SAMM50: variants seen among roughly 807,000 people sequenced by gnomAD.
SAMM50 encodes SAMM50 sorting and assembly machinery component.
A neutral mutation model predicts 66.9 loss-of-function variants in SAMM50; 47 were observed. That is an observed-to-expected ratio of 0.70 (90% CI 0.56 to 0.90). The LOEUF is 0.90. Ranked by LOEUF, SAMM50 falls within the 40% of genes least tolerant of loss-of-function variation. SAMM50 has a pLI of 0.00. For synonymous variants in SAMM50, 191 were observed against 214.1 expected (o/e 0.89, Z 0.94); for missense variants, 535 against 595.3 (o/e 0.90, Z 1.05).
At chr22:43,976,251 G>A in intron 8 of SAMM50, 68 bp downstream of exon 8, 1 of 1,536,106 alleles carries the variant, frequency 6.5e-7, no homozygotes, top group Non-Finnish European at 8.9e-7. Flanking sequence ...TGGGAAAACA[G>A]TCTTTGCCAA....
At chr22:43,970,516 C>A (rs540506216) in intron 4 of SAMM50, among the ~76,000 whole-genome samples, 3 of 152,208 alleles carry the variant, frequency 2.0e-5, no homozygotes, top group Non-Finnish European at 4.4e-5. Context: ...CACGGCACTG[C>A]TCTCATCCCA....
At chr22:43,991,450 G>A (rs2050324512) in intron 14 of SAMM50, among the ~76,000 whole-genome samples, 1 of 151,842 alleles carries the variant, frequency 6.6e-6, no homozygotes, top group South Asian at 2.1e-4. Context: ...TTTTTGTAGA[G>A]ACAGGGTTTT....
chr22:43,992,969 G>C (rs953992130), intron 14 of SAMM50, among the ~76,000 whole-genome samples: 11 of 152,230 alleles, frequency 7.2e-5, no homozygotes, highest in Non-Finnish European at 1.5e-4. Context: ...GACTGCATCA[G>C]ATAACTCCAC....
chr22:43,970,052 A>C (rs1327332311), intron 4 of SAMM50, among the ~76,000 whole-genome samples: 1 of 152,226 alleles, frequency 6.6e-6, no homozygotes, highest in East Asian at 1.9e-4. Context: ...TAGATAAACT[A>C]AGGACATTTT....
chr22:43,993,390 G>GT (rs1404744728), intron 14 of SAMM50, among the ~76,000 whole-genome samples: 1 of 152,252 alleles, frequency 6.6e-6, no homozygotes, highest in Non-Finnish European at 1.5e-5. Context: ...TAGGAGCTCT[G>GT]TTGAATTGAC....
intron 1 of SAMM50, among the ~76,000 whole-genome samples, chr22:43,961,817 A>C (rs2146806042): frequency 6.6e-6 from 1 of 152,300 alleles, no homozygotes; most frequent in South Asian, 2.1e-4. Context: ...TCTTGGGCTC[A>C]AGCAATCCTC....
rs572638626 is a variant in SAMM50, at chr22:43,972,300, G to A, written c.387G>A (p.Thr129=). ...TFEVTELRRL[T]GSYNTMVGNN... is the part of the protein sequence containing the mutation. Reference sequence around the variant, plus strand: ...AAGTAACTGAATTGAGGAGATTAACGGGCAGTTATAACACCATGGTTGGAA... The same window carrying A: ...AAGTAACTGAATTGAGGAGATTAACAGGCAGTTATAACACCATGGTTGGAA... The change falls in exon 5 of 15, where the codon ACG becomes ACA. Residue 129 remains threonine, a synonymous_variant. Transcript: ENST00000350028. 11 of 1,606,742 alleles carry A rather than the reference G, an allele frequency of 6.8e-6. No homozygotes were observed. Among genetic ancestry groups the A allele is most frequent in the South Asian group, 2.2e-5 (2 of 89,134 alleles).
intron 12 of SAMM50, among the ~76,000 whole-genome samples, chr22:43,984,866 G>A (rs572272325): frequency 6.6e-6 from 1 of 152,008 alleles, no homozygotes; most frequent in East Asian, 1.9e-4. Flanking sequence ...TCCTGACCTC[G>A]TGATCCACCG....
intron 3 of SAMM50, among the ~76,000 whole-genome samples, chr22:43,967,285 T>G (rs1429946495): frequency 6.6e-6 from 1 of 152,238 alleles, no homozygotes; most frequent in Non-Finnish European, 1.5e-5. Flanking sequence ...CGTTTCCTCA[T>G]GGCATTGCCA....
At chr22:43,993,972 C>T (rs1171040066) in intron 14 of SAMM50, among the ~76,000 whole-genome samples, 3 of 152,186 alleles carry the variant, frequency 2.0e-5, no homozygotes, top group Non-Finnish European at 4.4e-5. Flanking sequence ...CAGTTTGTGT[C>T]TTAGGAGTCC....
chr22:43,994,925 T>C (rs910910394), intron 14 of SAMM50, among the ~76,000 whole-genome samples: 2 of 152,238 alleles, frequency 1.3e-5, no homozygotes, highest in African/African-American at 4.8e-5. Context: ...TTTTCTGAAT[T>C]ACATATGCCA....
chr22:43,984,072 T>C (rs970947794), intron 12 of SAMM50, 72 bp downstream of exon 12: 90 of 1,331,862 alleles, frequency 6.8e-5, no homozygotes, highest in Non-Finnish European at 9.1e-5. Context: ...GTACCTGTTA[T>C]TAGCTTACAG....
At position 43,983,865 on chromosome 22, in the gene SAMM50, G is replaced by A. The variant is rs936384500; in HGVS notation, c.1008-68G>A. 7.3e-6 allele frequency: 8 copies of A among 1,097,742 alleles called. No individual in the cohort carries two copies. The highest frequency in any genetic ancestry group is 1.6e-5 in the African/African-American group (1 of 61,600). 68.0% of individuals were successfully genotyped at this position (1,097,742 alleles called of 1,614,324 possible). A position where few individuals can be genotyped will look rare whatever the true frequency, so the allele number is the denominator to read the frequency against. On this transcript the variant is annotated intron_variant, in intron 11 of 14. Transcript: ENST00000350028. This position sits in a 1 kb window ranked among gnomAD's most constrained non-coding sequence, Gnocchi z 4.2. ...TGTGAGTCTGACATGTGTTTCCTAC[G>A]CGTTCCGTGTGTCATGTCGTTTCTC...
At chr22:43,988,874 A>G (rs1454159964) in intron 12 of SAMM50, 4 of 399,408 alleles carry the variant, frequency 1.0e-5, no homozygotes, top group East Asian at 3.8e-5. Context: ...CCTCAACGAC[A>G]TTGGCTTTGT....
At chr22:43,967,088 G>T (rs1459822759) in intron 3 of SAMM50, among the ~76,000 whole-genome samples, 1 of 152,164 alleles carries the variant, frequency 6.6e-6, no homozygotes, top group Non-Finnish European at 1.5e-5. Context: ...CTCAGGCTCT[G>T]TTGTCAGCTC....
At chr22:43,973,902 T>G (rs1220120329) in intron 7 of SAMM50, among the ~76,000 whole-genome samples, 1 of 152,206 alleles carries the variant, frequency 6.6e-6, no homozygotes, top group Non-Finnish European at 1.5e-5. Flanking sequence ...TGTGAGCCAC[T>G]GCACCTGGTC....
At chr22:43,993,321 T>C (rs1490008613) in intron 14 of SAMM50, among the ~76,000 whole-genome samples, 1 of 152,214 alleles carries the variant, frequency 6.6e-6, no homozygotes, top group Non-Finnish European at 1.5e-5. Context: ...ATCACCACCA[T>C]TGCAGTGCTC....
At position 43,968,656 on chromosome 22, in the gene SAMM50, C is replaced by T. The variant is rs147871309; in HGVS notation, c.235-75C>T. The T allele has an allele frequency of 5.1e-3, 5,175 of 1,017,528 alleles. 29 individuals are homozygous for T. The highest frequency in any genetic ancestry group is 0.011 in the Middle Eastern group (53 of 4,898). The allele number at this position is 1,017,528 out of a possible 1,614,324, so 63.0% of individuals were successfully genotyped here. A position where few individuals can be genotyped will look rare whatever the true frequency, so the allele number is the denominator to read the frequency against. ...GCACCGAATGGTAAACTACCAGCCT[C>T]GCCGTGTGGCTGCCATTTGCTGTTT... On this transcript the variant is annotated intron_variant, in intron 3 of 14. Coordinates refer to ENST00000350028, the MANE Select transcript of SAMM50 (RefSeq NM_015380.5).
rs1569032141 is a variant in SAMM50 at position 43,980,167 on chromosome 22, C to CTCATCCATCCATCCATCCGT, written c.937-1224_937-1223insTCATCCATCCATCCATCCGT. ...ATCCATCCATCCATCCATCCATTCA[C>CTCATCCATCCATCCATCCGT]CCACCCACCCACCCACCCATCCATC... On this transcript the variant is annotated intron_variant, in intron 10 of 14. Coordinates refer to ENST00000350028, the MANE Select transcript of SAMM50 (RefSeq NM_015380.5). Among the ~76,000 whole-genome samples, 2 of 2,746 alleles carry CTCATCCATCCATCCATCCGT rather than the reference C, an allele frequency of 7.3e-4. 1 individual carries two copies. 1.8% of individuals were successfully genotyped at this position (2,746 alleles called of 152,430 possible).
Sources: allele counts gnomAD v4.1 joint callset (sites outside exome capture counted in the v4.1 genomes callset), GRCh38; gene constraint gnomAD v4.1.1; non-coding constraint Gnocchi (gnomAD v3.1); transcripts MANE v1.5; gene names NCBI Gene and HGNC (gene_info 2026-07-23, HGNC 2026-07-21).